The following CD36 variants were observed in gnomAD, a reference collection of about 807,000 sequenced individuals.
CD36 encodes CD36 molecule (CD36 blood group).
Under a neutral mutation model 55.2 loss-of-function variants are expected in CD36, and 119 were observed. The observed-to-expected ratio is 2.15, with a 90% CI of 1.86 to 2.51. The LOEUF (loss-of-function observed/expected upper bound fraction) is 2.51. Ranked by LOEUF, CD36 falls within the 30% of genes most tolerant of loss-of-function variation. The pLI is 0.00. For synonymous variants in CD36, 186 were observed against 193.6 expected (o/e 0.96, Z 0.33); for missense variants, 819 against 555.5 (o/e 1.47, Z -4.77).
chr7:80,603,222 T>A (rs1792341283), intron 1 of CD36, among the ~76,000 whole-genome samples: 1 of 151,618 alleles, frequency 6.6e-6, no homozygotes, highest in South Asian at 2.1e-4. Flanking sequence ...CGAGACACAA[T>A]TAAGGTTGAT....
At chr7:80,623,140 T>C (rs1167845430) in intron 1 of CD36, among the ~76,000 whole-genome samples, 1 of 152,138 alleles carries the variant, frequency 6.6e-6, no homozygotes, top group Non-Finnish European at 1.5e-5. Context: ...ACCAATCTTC[T>C]GTTCTAAAGA....
chr7:80,608,779 C>G (rs1318095746), intron 1 of CD36, among the ~76,000 whole-genome samples: 2 of 152,114 alleles, frequency 1.3e-5, no homozygotes, highest in Non-Finnish European at 2.9e-5. Context: ...TCTTGTTACT[C>G]AAGCGTAAAA....
At chr7:80,649,990 T>C (rs1253288425) in intron 3 of CD36, among the ~76,000 whole-genome samples, 1 of 152,082 alleles carries the variant, frequency 6.6e-6, no homozygotes, top group Non-Finnish European at 1.5e-5. Flanking sequence ...ATTTTGAAAG[T>C]ATACTTTGAG....
chr7:80,622,591 C>T lies in CD36; in HGVS notation c.-184+20212C>T, dbSNP rs551724226. On this transcript the variant is annotated intron_variant, in intron 1 of 13. Transcript: ENST00000309881. ...GATGATTTAGAACAAGTGTTTGTAA[C>T]TCTGGGGGTCTCTGAACCCTCATTT... Among the ~76,000 whole-genome samples, 14 of 152,324 alleles carry T rather than the reference C, an allele frequency of 9.2e-5. 1 individual carries two copies. The South Asian group carries it at 2.5e-3, about 27-fold the overall frequency.
chr7:80,625,486 G>A (rs1344003026), intron 1 of CD36, among the ~76,000 whole-genome samples: 2 of 152,126 alleles, frequency 1.3e-5, no homozygotes, highest in South Asian at 4.1e-4. Flanking sequence ...TGAAGAAGGT[G>A]TTTATAGATA....
rs909461699 is a variant in CD36, at chr7:80,677,988, A to G, written c.*1605A>G. The G allele has an allele frequency of 2.0e-5, 3 of 152,224 alleles. No individual in the cohort carries two copies. The highest frequency in any genetic ancestry group is 7.2e-5 in the African/African-American group (3 of 41,460). The allele number at this position is 152,224 out of a possible 1,614,324, so 9.4% of individuals were successfully genotyped here. The stretch of plus-strand genomic sequence containing the variant: ...GTAAAAGGAATATAAGAGGAAAGAC[A>G]ATTCATATACAAAGACAACGAGATT... On this transcript the variant is annotated 3_prime_UTR_variant, in exon 15 of 15. Transcript: ENST00000447544.
At chr7:80,622,458 A>G (rs555285082) in intron 1 of CD36, among the ~76,000 whole-genome samples, 58 of 152,386 alleles carry the variant, frequency 3.8e-4, no homozygotes, top group African/African-American at 1.3e-3. Context: ...TGTCTCAAAC[A>G]TTACAGCAGA....
At chr7:80,626,835 T>A (rs115664630) in intron 1 of CD36, among the ~76,000 whole-genome samples, 2 of 152,072 alleles carry the variant, frequency 1.3e-5, no homozygotes, top group Admixed American at 1.3e-4. Flanking sequence ...TTGCCCTTTC[T>A]GATTTTAGTC....
rs1794014946 is a variant in CD36 at position 80,630,528 on chromosome 7, A to T, written c.-183-15560A>T. 2.0e-5 allele frequency among the ~76,000 whole-genome samples: 3 copies of T among 152,214 alleles called. No homozygotes were observed. In the South Asian group the frequency reaches 6.2e-4, roughly 32 times the overall value. On this transcript the variant is annotated intron_variant, in intron 1 of 13. Coordinates refer to the CD36 transcript ENST00000309881. ...GAAAAGTCTATACTGAAAGCTTATT[A>T]TAAAAATCAATCTTTTGGGATGTGC...
chr7:80,653,934 TA>T (rs1252777869), intron 3 of CD36, among the ~76,000 whole-genome samples: 1 of 152,186 alleles, frequency 6.6e-6, no homozygotes, highest in East Asian at 1.9e-4. Context: ...ATTTTTCTAT[TA>T]TCTGCTAGTA....
Position 80,630,703 on chromosome 7 carries a change from G to A in CD36, c.-183-15385G>A, listed in dbSNP as rs539183336. ...CCTATTTTGATTACCCAATTTTCCC[G>A]GAGGGGTTGTTGAAAATGAGAGGAA... On this transcript the variant is annotated intron_variant, in intron 1 of 13. Coordinates refer to the CD36 transcript ENST00000309881. Among the ~76,000 whole-genome samples, 233 of 151,980 alleles carry A rather than the reference G, an allele frequency of 1.5e-3. 2 individuals carry two copies. Among genetic ancestry groups the A allele is most frequent in the African/African-American group, 5.3e-3 (220 of 41,488 alleles).
chr7:80,673,688 C>T (rs1327773332), intron 13 of CD36: 1 of 557,518 alleles, frequency 1.8e-6, no homozygotes, highest in Non-Finnish European at 3.2e-6. Flanking sequence ...TAAATCCATG[C>T]ATTGATAGCT....
chr7:80,610,178 A>T (rs551081127), intron 1 of CD36, among the ~76,000 whole-genome samples: 2 of 152,320 alleles, frequency 1.3e-5, no homozygotes, highest in East Asian at 3.9e-4. Context: ...ATGATAAAAA[A>T]TGTTTAACTT....
intron 1 of CD36, among the ~76,000 whole-genome samples, chr7:80,621,971 A>G (rs180881133): frequency 2.3e-4 from 35 of 152,128 alleles, no homozygotes; most frequent in Non-Finnish European, 4.6e-4. Flanking sequence ...CCCTTCACCT[A>G]TTTTATATAT....
At chr7:80,618,267 G>A (rs1487798322) in intron 1 of CD36, among the ~76,000 whole-genome samples, 3 of 152,058 alleles carry the variant, frequency 2.0e-5, no homozygotes, top group African/African-American at 7.2e-5. Context: ...AGAGTGTTGT[G>A]TATTGTTTGT....
rs1425901662 is a variant in CD36 at position 80,677,390 on chromosome 7, A to G, written c.*1007A>G. 2 of 152,170 alleles carry G rather than the reference A, an allele frequency of 1.3e-5. No individual in the cohort carries two copies. The highest frequency in any genetic ancestry group is 2.9e-5 in the Non-Finnish European group (2 of 68,012). The allele number at this position is 152,170 out of a possible 1,614,324, so 9.4% of individuals were successfully genotyped here. ...TAGCTTGTGTTTTACCCACAGAAGG[A>G]TACAGGACAAAGGAATAGTAACTGG... On this transcript the variant is annotated 3_prime_UTR_variant, in exon 15 of 15. Transcript: ENST00000447544.
chr7:80,675,371 T>G (rs1798119579), intron 14 of CD36, among the ~76,000 whole-genome samples: 1 of 152,144 alleles, frequency 6.6e-6, no homozygotes, highest in Admixed American at 6.6e-5. Flanking sequence ...GAAAGCATGC[T>G]TAATAAAAGG....
At chr7:80,635,418 G>A (rs180979427), upstream of CD36, among the ~76,000 whole-genome samples, 21 of 152,066 alleles carry the variant, frequency 1.4e-4, no homozygotes, top group African/African-American at 5.1e-4. Flanking sequence ...GGGATTACAG[G>A]CATGCACCAC....
chr7:80,654,845 A>G (rs1033137424), intron 3 of CD36, among the ~76,000 whole-genome samples: 1 of 150,716 alleles, frequency 6.6e-6, no homozygotes, highest in Admixed American at 6.7e-5. Flanking sequence ...ATGAAACTTA[A>G]TTTGACTTCT....
Sources: gnomAD v4.1 joint callset for allele counts (sites outside exome capture counted in the v4.1 genomes callset) on GRCh38, gnomAD v4.1.1 for gene constraint, MANE v1.5 for transcripts, NCBI Gene and HGNC (gene_info 2026-07-23, HGNC 2026-07-21) for gene names.